Variants in TSPAN18 observed in about 807,000 individuals in gnomAD.
The protein encoded by TSPAN18 is tetraspanin 18, also known as tetraspanin-18.
TSPAN18 carries 14 observed loss-of-function variants against 27.3 expected under a neutral mutation model. The observed-to-expected ratio is 0.51, with a 90% confidence interval of 0.34 to 0.80. TSPAN18 has a LOEUF of 0.80. Ranked by LOEUF, TSPAN18 falls within the 30% of genes least tolerant of loss-of-function variation. TSPAN18 has a pLI of 0.01. For synonymous variants in TSPAN18, 143 were observed against 136.5 expected (o/e 1.05, Z -0.33); for missense variants, 268 against 323.9 (o/e 0.83, Z 1.32).
At position 44,929,292 on chromosome 11, in the gene TSPAN18, C is replaced by G. The variant is rs1590711744; in HGVS notation, c.*114C>G. ...GCCCCAGGGGAGAAGATGAGGCCAT[C>G]AGAGATGGCCAGGAGAAGGGCCAGG... On this transcript the variant is annotated 3_prime_UTR_variant, in exon 10 of 10. Coordinates refer to ENST00000520358, the MANE Select transcript of TSPAN18 (RefSeq NM_130783.5). 7.6e-7 allele frequency: 1 copy of G among 1,308,314 alleles called. No homozygotes were observed. The highest frequency in any genetic ancestry group is 2.3e-5 in the East Asian group (1 of 43,174). The allele number at this position is 1,308,314 out of a possible 1,614,324, so 81.0% of individuals were successfully genotyped here.
chr11:44,853,838 G>C (rs977832297), intron 2 of TSPAN18, among the ~76,000 whole-genome samples: 1 of 152,142 alleles, frequency 6.6e-6, no homozygotes, highest in East Asian at 1.9e-4. Flanking sequence ...GGAGGAGGCC[G>C]CAGCCCTCTG....
rs1263902629 is a variant in TSPAN18 at position 44,929,131 on chromosome 11, CT to C, written c.704del (p.Phe235SerfsTer3). ...TCCTGCTCTTTTTCTTTTTTTGCAG[CT>C]TTTCGCCATGATCTTTGCCATGTGC... ...ALAIGVLAIE[L>X]FAMIFAMCLF... is the part of the protein sequence containing the mutation. On this transcript the variant is annotated frameshift_variant and splice_region_variant, in exon 10 of 10. Coordinates refer to ENST00000520358, the MANE Select transcript of TSPAN18 (RefSeq NM_130783.5). LOFTEE classifies it high-confidence loss of function. 1.9e-6 allele frequency: 3 copies of C among 1,613,330 alleles called. No homozygotes were observed. Among genetic ancestry groups the C allele is most frequent in the Non-Finnish European group, 2.5e-6 (3 of 1,179,998 alleles).
chr11:44,926,692 C>A lies in TSPAN18; in HGVS notation c.634C>A (p.Leu212Ile). The A allele has an allele frequency of 6.2e-7, 1 of 1,614,136 alleles. No individual in the cohort carries two copies. Among genetic ancestry groups the A allele is most frequent in the Non-Finnish European group, 8.5e-7 (1 of 1,179,994 alleles). The change falls in exon 9 of 10, where the codon CTC becomes ATC. Residue 212 changes from leucine (L) to isoleucine (I), a missense_variant. Transcript: ENST00000520358. ...CTCCCAGGGCTGTTACACGGTGATC[C>A]TCAACACCTTCGAGACCTACGTCTA... is the stretch of plus-strand genomic sequence containing the variant. ...LNKQGCYTVILNTFETYVYLA... is the reference protein window; with the variant it reads ...LNKQGCYTVIINTFETYVYLA...
At chr11:44,800,808 G>A (rs572658480) in intron 2 of TSPAN18, among the ~76,000 whole-genome samples, 278 of 152,266 alleles carry the variant, frequency 1.8e-3, no homozygotes, top group Non-Finnish European at 3.0e-3. Flanking sequence ...GTCATAAATC[G>A]GGCTAATTGC....
chr11:44,731,272 T>C (rs1854648227), intron 1 of TSPAN18, among the ~76,000 whole-genome samples: 1 of 152,176 alleles, frequency 6.6e-6, no homozygotes, highest in Admixed American at 6.6e-5. Context: ...TCTATTTCTT[T>C]AGAGGCAGCA....
At chr11:44,776,169 A>G (rs943721660) in intron 2 of TSPAN18, among the ~76,000 whole-genome samples, 3 of 152,196 alleles carry the variant, frequency 2.0e-5, no homozygotes, top group African/African-American at 4.8e-5. Context: ...TGGCCTTCAC[A>G]TTCGCTGTCT....
intron 2 of TSPAN18, among the ~76,000 whole-genome samples, chr11:44,781,005 A>G (rs1855925735): frequency 6.6e-6 from 1 of 152,158 alleles, no homozygotes. Context: ...CTGTCCCTTT[A>G]AGAGAAAGCG....
intron 2 of TSPAN18, among the ~76,000 whole-genome samples, chr11:44,854,186 A>G (rs918971404): frequency 2.7e-4 from 12 of 43,824 alleles, no homozygotes; most frequent in African/African-American, 1.1e-3. Flanking sequence ...GTCTCTGCTC[A>G]TTGGGGCAGG....
chr11:44,803,246 A>G (rs1369825394), intron 2 of TSPAN18, among the ~76,000 whole-genome samples: 4 of 152,162 alleles, frequency 2.6e-5, no homozygotes, highest in Non-Finnish European at 5.9e-5. Context: ...GAAAGGATTT[A>G]CTGAGGTGGC....
At chr11:44,743,749 A>G (rs1274556748) in intron 1 of TSPAN18, among the ~76,000 whole-genome samples, 1 of 152,156 alleles carries the variant, frequency 6.6e-6, no homozygotes, top group East Asian at 1.9e-4. Flanking sequence ...GTCCTGCCTT[A>G]CTTCCTGGTT....
intron 2 of TSPAN18, among the ~76,000 whole-genome samples, chr11:44,820,859 C>T (rs1856912900): frequency 6.6e-6 from 1 of 152,172 alleles, no homozygotes; most frequent in African/African-American, 2.4e-5. Context: ...CTCTTGCTCC[C>T]TCTCTTGCCA....
chr11:44,807,786 C>T (rs1233548768), intron 2 of TSPAN18, among the ~76,000 whole-genome samples: 4 of 152,196 alleles, frequency 2.6e-5, no homozygotes, highest in Non-Finnish European at 5.9e-5. Context: ...ACATCAGTTT[C>T]CTCATCTGTA....
intron 8 of TSPAN18, 152 bp from the exon 9 acceptor site, chr11:44,926,522 C>A (rs1049102411): frequency 1.5e-5 from 11 of 715,428 alleles, no homozygotes; most frequent in Non-Finnish European, 2.5e-5. Flanking sequence ...GTCTCCTGCC[C>A]TGCACCCCCT....
In TSPAN18 at chr11:44,835,179, A is replaced by AG. The variant is rs1195423439; in HGVS notation, c.-152-25144dup. Among the ~76,000 whole-genome samples, 7 of 152,286 alleles carry AG rather than the reference A, an allele frequency of 4.6e-5. No homozygotes were observed. In the East Asian group the frequency reaches 1.4e-3, roughly 29 times the overall value. On this transcript the variant is annotated intron_variant, in intron 2 of 9. Coordinates refer to ENST00000520358, the MANE Select transcript of TSPAN18 (RefSeq NM_130783.5). ...CCTCTAAGGAAGAAACACACAGAAAAGGGGGCCGTGGGGAGGGTCCCCGAC... is the reference window on the plus strand; with the variant it reads ...CCTCTAAGGAAGAAACACACAGAAAAGGGGGGCCGTGGGGAGGGTCCCCGAC...
intron 3 of TSPAN18, among the ~76,000 whole-genome samples, chr11:44,872,136 G>A (rs1438925072): frequency 6.6e-6 from 1 of 151,958 alleles, no homozygotes; most frequent in African/African-American, 2.4e-5. Context: ...TCGCCATGTT[G>A]TCCAGGCTGG....
intron 3 of TSPAN18, among the ~76,000 whole-genome samples, chr11:44,869,881 G>A (rs546180653): frequency 2.6e-4 from 39 of 152,210 alleles, no homozygotes; most frequent in Admixed American, 1.2e-3. Flanking sequence ...GCATTGCCTC[G>A]ACTCCCACAG....
chr11:44,877,007 A>G (rs1183644486), intron 3 of TSPAN18, among the ~76,000 whole-genome samples: 1 of 152,232 alleles, frequency 6.6e-6, no homozygotes, highest in Admixed American at 6.5e-5. Context: ...CCTGCAGCGG[A>G]CGCCAGGATG....
chr11:44,800,995 C>T (rs973910565), intron 2 of TSPAN18, among the ~76,000 whole-genome samples: 2 of 152,200 alleles, frequency 1.3e-5, no homozygotes, highest in Non-Finnish European at 2.9e-5. Context: ...AGGACCAAGC[C>T]TCACATCTTC....
intron 2 of TSPAN18, among the ~76,000 whole-genome samples, chr11:44,821,142 AGT>A (rs1487284157): frequency 1.3e-5 from 2 of 152,240 alleles, no homozygotes; most frequent in Admixed American, 6.5e-5. Context: ...GGCGGCTGCC[AGT>A]GTCTGATTAA....
Sources: allele counts gnomAD v4.1 joint callset (sites outside exome capture counted in the v4.1 genomes callset), GRCh38; gene constraint gnomAD v4.1.1; transcripts MANE v1.5; gene names NCBI Gene and HGNC (gene_info 2026-07-23, HGNC 2026-07-21).